Variants in CNTNAP4 observed in about 807,000 individuals in gnomAD.
CNTNAP4 encodes the protein contactin-associated protein-like 4.
Under a neutral mutation model 148.4 loss-of-function variants are expected in CNTNAP4, and 98 were observed. The ratio of observed to expected loss-of-function variants is 0.66; its 90% CI spans 0.56 to 0.78. The LOEUF is 0.78. Ranked by LOEUF, CNTNAP4 falls within the 30% of genes least tolerant of loss-of-function variation. The pLI, the probability that CNTNAP4 is intolerant of heterozygous loss-of-function variation, is 0.00. For synonymous variants in CNTNAP4, 730 were observed against 565.1 expected, an observed-to-expected ratio of 1.29 and a Z score of -4.14; for missense variants, 1,935 against 1,565.6, an observed-to-expected ratio of 1.24 and a Z score of -3.98.
rs568997386 is a variant in CNTNAP4 at position 76,506,085 on chromosome 16, A to C, written c.2365+7391A>C. On this transcript the variant is annotated intron_variant, in intron 15 of 23. Coordinates refer to ENST00000611870, the MANE Select transcript of CNTNAP4 (RefSeq NM_033401.5). Reference sequence around the variant, plus strand: ...GAAACTTTAGAAAAAGAGTCAAAGGAAAGAATCAAGGGGAAACATCTGGGT... The same window carrying C: ...GAAACTTTAGAAAAAGAGTCAAAGGCAAGAATCAAGGGGAAACATCTGGGT... Among the ~76,000 whole-genome samples the C allele has an allele frequency of 5.1e-5, 5 of 97,984 alleles. 2 individuals are homozygous for C. The East Asian group carries it at 2.7e-3, about 52-fold the overall frequency. 64.3% of individuals were successfully genotyped at this position (97,984 alleles called of 152,430 possible).
chr16:76,474,096 A>G lies in CNTNAP4; in HGVS notation c.1656-1843A>G, dbSNP rs549853421. 2.0e-5 allele frequency among the ~76,000 whole-genome samples: 3 copies of G among 152,286 alleles called. No individual in the cohort carries two copies. In the East Asian group the frequency reaches 5.8e-4, roughly 29 times the overall value. ...TAAGGGGCTTAGCTACAAATAACTT[A>G]ATAAGTGTTTATTTCCTTACAACTG... On this transcript the variant is annotated intron_variant, in intron 10 of 23. Transcript: ENST00000611870.
intron 2 of CNTNAP4, among the ~76,000 whole-genome samples, chr16:76,348,611 T>C (rs1965111859): frequency 6.6e-6 from 1 of 152,114 alleles, no homozygotes; most frequent in Non-Finnish European, 1.5e-5. Flanking sequence ...GTGAGCAAAG[T>C]CTATTTGGGC....
rs1289300221 is a variant in CNTNAP4, at chr16:76,507,728, G to A, written c.2365+9034G>A. On this transcript the variant is annotated intron_variant, in intron 15 of 23. Transcript: ENST00000611870. ...TGCAGTATGTTCAGAACCAGAAACA[G>A]AGTTTCAGAGTAGAAGCCTAGGCAT... is the stretch of plus-strand genomic sequence containing the variant. Among the ~76,000 whole-genome samples the A allele has an allele frequency of 4.1e-5, 4 of 97,502 alleles. 1 individual carries two copies. The highest frequency in any genetic ancestry group is 1.0e-4 in the African/African-American group (4 of 38,874). The allele number at this position is 97,502 out of a possible 152,430, so 64.0% of individuals were successfully genotyped here.
chr16:76,462,925 C>G (rs1297587284), intron 9 of CNTNAP4, among the ~76,000 whole-genome samples: 1 of 152,146 alleles, frequency 6.6e-6, no homozygotes, highest in Non-Finnish European at 1.5e-5. Flanking sequence ...ATAGAGGTAG[C>G]TGAGTCTCTA....
intron 3 of CNTNAP4, among the ~76,000 whole-genome samples, chr16:76,362,614 C>G (rs1486748382): frequency 6.6e-6 from 1 of 152,196 alleles, no homozygotes; most frequent in Non-Finnish European, 1.5e-5. Context: ...CATCTATGGT[C>G]TACTGATCTT....
At chr16:76,285,568 T>A (rs1368061407) in intron 1 of CNTNAP4, among the ~76,000 whole-genome samples, 4 of 152,098 alleles carry the variant, frequency 2.6e-5, no homozygotes, top group Non-Finnish European at 5.9e-5. Context: ...GACATATTAG[T>A]TTCTGTAACC....
chr16:76,424,266 T>A (rs2079297910), intron 3 of CNTNAP4, among the ~76,000 whole-genome samples: 1 of 152,148 alleles, frequency 6.6e-6, no homozygotes, highest in Admixed American at 6.6e-5. Context: ...GAACTCACAT[T>A]AATTTTGAAA....
intron 3 of CNTNAP4, among the ~76,000 whole-genome samples, chr16:76,422,912 A>G (rs1349529958): frequency 6.6e-6 from 1 of 152,184 alleles, no homozygotes; most frequent in East Asian, 1.9e-4. Flanking sequence ...AACTTCATAT[A>G]TTGAAATCTT....
intron 3 of CNTNAP4, among the ~76,000 whole-genome samples, chr16:76,376,474 A>T (rs1350075593): frequency 6.6e-6 from 1 of 151,438 alleles, no homozygotes; most frequent in Admixed American, 6.7e-5. Context: ...AAGTAAAGAC[A>T]GGTTTAGACT....
intron 3 of CNTNAP4, among the ~76,000 whole-genome samples, chr16:76,384,197 C>G (rs1438596161): frequency 6.6e-6 from 1 of 151,980 alleles, no homozygotes; most frequent in East Asian, 1.9e-4. Flanking sequence ...GCATGCACCA[C>G]CATGCCTGGC....
Position 76,449,765 on chromosome 16 carries a change from T to C in CNTNAP4, c.978T>C (p.His326=), listed in dbSNP as rs778514225. The change falls in exon 7 of 24, where the codon CAT becomes CAC. Residue 326 remains histidine, a synonymous_variant. Coordinates refer to ENST00000611870, the MANE Select transcript of CNTNAP4 (RefSeq NM_033401.5). ...CTGGAAAATCAGTGTCATTCCCACA[T>C]AGAAATTTTCATGGATGTTTAGAAA... is the stretch of plus-strand genomic sequence containing the variant. ...PAPGKSVSFP[H]RNFHGCLENL... 1.9e-6 allele frequency: 3 copies of C among 1,598,108 alleles called. No individual in the cohort carries two copies. Among genetic ancestry groups the C allele is most frequent in the South Asian group, 1.1e-5 (1 of 88,074 alleles).
chr16:76,320,527 C>T (rs2144133603), intron 2 of CNTNAP4, among the ~76,000 whole-genome samples: 1 of 152,250 alleles, frequency 6.6e-6, no homozygotes, highest in South Asian at 2.1e-4. Context: ...TGAATCCAAT[C>T]AACCATCCAA....
rs577810494 is a variant in CNTNAP4, at chr16:76,324,800, T to C, written c.196+8277T>C. 6.6e-5 allele frequency among the ~76,000 whole-genome samples: 10 copies of C among 152,262 alleles called. No individual in the cohort carries two copies. The South Asian group carries it at 2.1e-3, about 32-fold the overall frequency. On this transcript the variant is annotated intron_variant, in intron 2 of 23. Coordinates refer to ENST00000611870, the MANE Select transcript of CNTNAP4 (RefSeq NM_033401.5). Reference sequence around the variant, plus strand: ...ACTTACTCATGAAAAGAGATCTCTCTCTCTGTTTCCTCTTCTTATAAAAGC... The same window carrying C: ...ACTTACTCATGAAAAGAGATCTCTCCCTCTGTTTCCTCTTCTTATAAAAGC...
chr16:76,526,675 T>A (rs1209949421), intron 17 of CNTNAP4, among the ~76,000 whole-genome samples: 1 of 152,154 alleles, frequency 6.6e-6, no homozygotes, highest in Non-Finnish European at 1.5e-5. Context: ...AGTTTTTGTT[T>A]TTGTTTATTT....
intron 9 of CNTNAP4, among the ~76,000 whole-genome samples, chr16:76,466,711 A>T (rs996004918): frequency 1.3e-5 from 2 of 152,054 alleles, no homozygotes; most frequent in Non-Finnish European, 2.9e-5. Flanking sequence ...GTTAGAAAAA[A>T]ATCAATATAG....
intron 14 of CNTNAP4, among the ~76,000 whole-genome samples, chr16:76,497,071 T>C (rs1461513384): frequency 6.6e-6 from 1 of 152,138 alleles, no homozygotes; most frequent in Non-Finnish European, 1.5e-5. Context: ...AGAGAAATAA[T>C]GGATGAAAAC....
At chr16:76,425,643 T>C (rs1160625467) in intron 3 of CNTNAP4, among the ~76,000 whole-genome samples, 2 of 152,192 alleles carry the variant, frequency 1.3e-5, no homozygotes, top group East Asian at 3.9e-4. Flanking sequence ...AGGGCCTGTC[T>C]TGGGGGTAAT....
intron 2 of CNTNAP4, among the ~76,000 whole-genome samples, chr16:76,326,133 G>C (rs1962947787): frequency 6.6e-6 from 1 of 152,124 alleles, no homozygotes; most frequent in Non-Finnish European, 1.5e-5. Context: ...AAGGAGGCCA[G>C]CATAACCTTG....
chr16:76,327,107 G>A (rs1172822789), intron 2 of CNTNAP4, among the ~76,000 whole-genome samples: 4 of 152,150 alleles, frequency 2.6e-5, no homozygotes, highest in East Asian at 1.9e-4. Context: ...TGTTACAAAG[G>A]TATATTGCAT....
Sources: allele counts gnomAD v4.1 joint callset (sites outside exome capture counted in the v4.1 genomes callset), GRCh38; gene constraint gnomAD v4.1.1; transcripts MANE v1.5; gene names NCBI Gene and HGNC (gene_info 2026-07-23, HGNC 2026-07-21).